LRRN2: variants seen among roughly 807,000 people sequenced by gnomAD.
The protein encoded by LRRN2 is leucine rich repeat neuronal 2, also known as leucine-rich repeat neuronal protein 2.
A neutral mutation model predicts 35.7 loss-of-function variants in LRRN2; 10 were observed. The ratio of observed to expected loss-of-function variants is 0.28; its 90% CI spans 0.17 to 0.47. LRRN2 has a LOEUF of 0.47. Ranked by LOEUF, LRRN2 falls within the 20% of genes least tolerant of loss-of-function variation. The pLI, the probability that LRRN2 is intolerant of heterozygous loss-of-function variation, is 0.99. For missense variants in LRRN2, 731 were observed against 940.3 expected, an observed-to-expected ratio of 0.78 and a Z score of 2.91; for synonymous variants, 391 against 409.6, an observed-to-expected ratio of 0.95 and a Z score of 0.55.
chr1:204,618,443 G>T lies in LRRN2; in HGVS notation c.1550C>A (p.Ala517Asp). 6.2e-7 allele frequency: 1 copy of T among 1,614,174 alleles called. No homozygotes were observed. Among genetic ancestry groups the T allele is most frequent in the African/African-American group, 1.3e-5 (1 of 75,054 alleles). The change falls in exon 2 of 2, where the codon GCT becomes GAT. Residue 517 changes from alanine to aspartate, a missense_variant. This residue lies in a region of LRRN2 where 229 missense variants were observed against 258.4 expected (regional missense o/e 0.89). Transcript: ENST00000367177. ...TKTVSVVVGR[A>D]LLQPGRDEGQ... ...TTCGTCCCTGCCTGGCTGGAGGAGA[G>T]CACGGCCCACAACCACACTAACCGT...
intron 1 of LRRN2, among the ~76,000 whole-genome samples, chr1:204,650,988 G>A (rs191908100): frequency 6.6e-6 from 1 of 152,290 alleles, no homozygotes; most frequent in Non-Finnish European, 1.5e-5. Flanking sequence ...TGTAATTACG[G>A]TTATGAACTT....
chr1:204,667,071 G>A (rs2102622517), intron 1 of LRRN2, among the ~76,000 whole-genome samples: 1 of 151,790 alleles, frequency 6.6e-6, no homozygotes, highest in African/African-American at 2.4e-5. Context: ...AAGAATAGCT[G>A]AGTGGCTGAC....
chr1:204,632,747 C>T (rs9729959), intron 1 of LRRN2, among the ~76,000 whole-genome samples: 31,306 of 151,502 alleles, frequency 0.21, 3,578 homozygotes, highest in East Asian at 0.38. Context: ...CTGACTAACA[C>T]GGTAAAACCC....
At position 204,619,755 on chromosome 1, in the gene LRRN2, T is replaced by G. The variant is rs141454303; in HGVS notation, c.238A>C (p.Ser80Arg). 2 of 1,614,240 alleles carry G rather than the reference T, an allele frequency of 1.2e-6. No individual in the cohort carries two copies. The highest frequency in any genetic ancestry group is 8.5e-7 in the Non-Finnish European group (1 of 1,180,038). Residue 80 changes from serine (S) to arginine (R), a missense_variant, in exon 2 of 2, where the codon AGC becomes CGC. Ser to Arg is a moderately radical substitution (Grantham distance 110). Coordinates refer to ENST00000367177, the MANE Select transcript of LRRN2 (RefSeq NM_201630.2). ...TCACTCTGGTCCACACGGACAATGC[T>G]GTTGCTCTGCAGGAGCAGGGTCTGT... ...GTQTLLLQSN[S>R]IVRVDQSELG...
At position 204,619,522 on chromosome 1, in the gene LRRN2, G is replaced by A. The variant is rs201078973; in HGVS notation, c.471C>T (p.Ala157=). 8.7e-6 allele frequency: 14 copies of A among 1,614,264 alleles called. No homozygotes were observed. Among genetic ancestry groups the A allele is most frequent in the East Asian group, 4.5e-5 (2 of 44,888 alleles). The part of the protein sequence containing the change: ...YLNHNQLYRI[A]PRAFSGLSNL... ...TGCTGAGGCCAGAAAAGGCCCTGGG[G>A]GCGATGCGGTAGAGCTGGTTGTGGT... The change falls in exon 2 of 2, where the codon GCC becomes GCT. Residue 157 remains alanine, a synonymous_variant. Transcript: ENST00000367177.
At chr1:204,633,661 C>T (rs1667762860) in intron 1 of LRRN2, among the ~76,000 whole-genome samples, 2 of 152,218 alleles carry the variant, frequency 1.3e-5, no homozygotes, top group Admixed American at 6.5e-5. Flanking sequence ...CCAGAACATT[C>T]AGTTGGTAAA....
intron 1 of LRRN2, among the ~76,000 whole-genome samples, chr1:204,658,217 A>G (rs1350332684): frequency 2.6e-5 from 4 of 151,918 alleles, no homozygotes; most frequent in Non-Finnish European, 5.9e-5. Flanking sequence ...ACCTCAAGTG[A>G]TTTGCCCACC....
At chr1:204,632,535 A>G (rs1667731562) in intron 1 of LRRN2, among the ~76,000 whole-genome samples, 1 of 151,750 alleles carries the variant, frequency 6.6e-6, no homozygotes, top group Admixed American at 6.6e-5. Flanking sequence ...AGGCTGAGGC[A>G]AGAGAATCAC....
In LRRN2 at chr1:204,631,245, C is replaced by A. The variant is rs572395229; in HGVS notation, c.-226-11027G>T. 4.2e-3 allele frequency among the ~76,000 whole-genome samples: 189 copies of A among 44,924 alleles called. 1 individual carries two copies. Among genetic ancestry groups the A allele is most frequent in the African/African-American group, 0.013 (181 of 14,016 alleles). 29.5% of individuals were successfully genotyped at this position (44,924 alleles called of 152,430 possible). A position where few individuals can be genotyped will look rare whatever the true frequency, so the allele number is the denominator to read the frequency against. On this transcript the variant is annotated intron_variant, in intron 1 of 1. Coordinates refer to ENST00000367177, the MANE Select transcript of LRRN2 (RefSeq NM_201630.2). ...AGTCTACAAACCAAGAAGAGTGATA[C>A]CTAGAGTGTTCTATATATATATATA...
intron 1 of LRRN2, among the ~76,000 whole-genome samples, chr1:204,657,115 C>T (rs1246622079): frequency 1.3e-5 from 2 of 151,992 alleles, no homozygotes; most frequent in African/African-American, 4.8e-5. Context: ...ACCAGCCTGG[C>T]CAACACGGCG....
intron 1 of LRRN2, among the ~76,000 whole-genome samples, chr1:204,650,543 G>C (rs1668199956): frequency 1.3e-5 from 2 of 152,080 alleles, no homozygotes; most frequent in African/African-American, 2.4e-5. Flanking sequence ...AGAGAGGTAG[G>C]CTGGGAGATG....
intron 1 of LRRN2, among the ~76,000 whole-genome samples, chr1:204,643,494 A>G (rs1051752786): frequency 1.4e-4 from 21 of 152,072 alleles, no homozygotes; most frequent in African/African-American, 4.3e-4. Flanking sequence ...AGATGACTGC[A>G]TATTTTGGAA....
At chr1:204,680,769 C>G (rs995909873) in intron 1 of LRRN2, among the ~76,000 whole-genome samples, 1 of 152,208 alleles carries the variant, frequency 6.6e-6, no homozygotes, top group Admixed American at 6.5e-5. Flanking sequence ...TGGTGACATT[C>G]ACAAAGAGCA....
chr1:204,667,939 C>T (rs960135166), intron 1 of LRRN2, among the ~76,000 whole-genome samples: 1 of 152,108 alleles, frequency 6.6e-6, no homozygotes, highest in East Asian at 1.9e-4. Context: ...CTCAAGAGCT[C>T]GCACGTTATC....
At chr1:204,647,150 G>A (rs1453675515) in intron 1 of LRRN2, among the ~76,000 whole-genome samples, 1 of 52,534 alleles carries the variant, frequency 1.9e-5, no homozygotes, top group Non-Finnish European at 4.2e-5. Flanking sequence ...AGGAAGCAAG[G>A]AGGTTAAAAA....
At chr1:204,635,652 T>C (rs1667815960) in intron 1 of LRRN2, among the ~76,000 whole-genome samples, 1 of 152,204 alleles carries the variant, frequency 6.6e-6, no homozygotes, top group Non-Finnish European at 1.5e-5. Context: ...AAATAAATGT[T>C]CCTAATGACC....
intron 1 of LRRN2, among the ~76,000 whole-genome samples, chr1:204,673,155 C>T (rs778746562): frequency 7.2e-5 from 11 of 152,166 alleles, no homozygotes; most frequent in Non-Finnish European, 1.6e-4. Flanking sequence ...GAAAGACCCA[C>T]TTGGCCCTGT....
At position 204,676,976 on chromosome 1, in the gene LRRN2, A is replaced by G. The variant is rs1281454104; in HGVS notation, c.-227+8344T>C. The stretch of plus-strand genomic sequence containing the variant: ...CTCAACTGCAAAATGGGGGAAAATA[A>G]TATCTACTTCACAGCGTTATGTGGA... On this transcript the variant is annotated intron_variant, in intron 1 of 1. Coordinates refer to ENST00000367177, the MANE Select transcript of LRRN2 (RefSeq NM_201630.2). 1.6e-4 allele frequency among the ~76,000 whole-genome samples: 24 copies of G among 152,324 alleles called. No homozygotes were observed. In the South Asian group the frequency reaches 3.7e-3, roughly 24 times the overall value.
At chr1:204,630,285 GA>G (rs1667650545) in intron 1 of LRRN2, among the ~76,000 whole-genome samples, 1 of 139,654 alleles carries the variant, frequency 7.2e-6, no homozygotes, top group Non-Finnish European at 1.5e-5. Flanking sequence ...TGGTACTGAG[GA>G]AAGGACCCTC....
Sources: gnomAD v4.1 joint callset for allele counts (sites outside exome capture counted in the v4.1 genomes callset) on GRCh38, gnomAD v4.1.1 for gene constraint, gnomAD v4.1.1 regional missense constraint, MANE v1.5 for transcripts, NCBI Gene and HGNC (gene_info 2026-07-23, HGNC 2026-07-21) for gene names.